Variants in ZNF610 observed in about 807,000 individuals in gnomAD.
The protein encoded by ZNF610 is zinc finger protein 610.
In ZNF610, 14 loss-of-function variants were observed where a neutral mutation model predicts 14.1. The observed-to-expected ratio is 0.99, with a 90% CI of 0.65 to 1.55. ZNF610 has a LOEUF of 1.55. ZNF610 is among the 40% of genes most tolerant of loss of function. The probability of loss-of-function intolerance (pLI) is 0.00; values close to 1 mark genes in which losing one functional copy is unlikely to be tolerated. For missense variants in ZNF610, 530 were observed against 558.0 expected (o/e 0.95, Z 0.51); for synonymous variants, 185 against 187.6 (o/e 0.99, Z 0.11).
intron 5 of ZNF610, among the ~76,000 whole-genome samples, chr19:52,365,338 C>G (rs1381059680): frequency 6.6e-6 from 1 of 151,964 alleles, no homozygotes; most frequent in Non-Finnish European, 1.5e-5. Flanking sequence ...GGGATTGTGT[C>G]TCTCCTAGCT....
the ZNF610 span, among the ~76,000 whole-genome samples, chr19:52,330,653 T>A: frequency 6.6e-6 from 1 of 152,112 alleles, no homozygotes; most frequent in African/African-American, 2.4e-5. Flanking sequence ...AGACAGGGGC[T>A]CAGGTGGAGA....
At position 52,367,322 on chromosome 19, in the gene ZNF610, C is replaced by A; in HGVS notation, c.*555C>A. ...GTATTTTTAGTCGAGACGGGGTTTCCCTCCGTTGGCCAGGCCGGTTTCAAA... is the reference window on the plus strand; with the variant it reads ...GTATTTTTAGTCGAGACGGGGTTTCACTCCGTTGGCCAGGCCGGTTTCAAA... On this transcript the variant is annotated 3_prime_UTR_variant, in exon 6 of 6. Transcript: ENST00000403906. 1 of 152,450 alleles carries A rather than the reference C, an allele frequency of 6.6e-6. No individual in the cohort carries two copies. Among genetic ancestry groups the A allele is most frequent in the Non-Finnish European group, 1.5e-5 (1 of 68,222 alleles). 9.4% of individuals were successfully genotyped at this position (152,450 alleles called of 1,614,324 possible).
At chr19:52,334,948 C>T (rs892896269), upstream of ZNF610, among the ~76,000 whole-genome samples, 3 of 151,058 alleles carry the variant, frequency 2.0e-5, no homozygotes, top group Non-Finnish European at 4.4e-5. Context: ...CACACACACA[C>T]ACACACACAC....
chr19:52,356,514 G>A (rs1361256483), intron 5 of ZNF610, among the ~76,000 whole-genome samples: 3 of 152,060 alleles, frequency 2.0e-5, no homozygotes, highest in African/African-American at 4.8e-5. Flanking sequence ...TGTATCTGTA[G>A]GGCTGTAGTA....
intron 1 of ZNF610, among the ~76,000 whole-genome samples, chr19:52,345,936 C>T (rs1984926225): frequency 6.6e-6 from 1 of 150,442 alleles, no homozygotes; most frequent in East Asian, 2.0e-4. Context: ...GATCTCCTGA[C>T]CTCGTGATCC....
chr19:52,332,363 G>A (rs1302812304), upstream of ZNF610, among the ~76,000 whole-genome samples: 2 of 152,196 alleles, frequency 1.3e-5, no homozygotes, highest in Non-Finnish European at 1.5e-5. This position sits in a 1 kb window ranked among gnomAD's most constrained non-coding sequence, Gnocchi z 4.1. Flanking sequence ...GATAGAGCAG[G>A]AGATGGATTG....
At chr19:52,341,299 A>G (rs969780712) in intron 1 of ZNF610, among the ~76,000 whole-genome samples, 2 of 152,046 alleles carry the variant, frequency 1.3e-5, no homozygotes, top group Non-Finnish European at 2.9e-5. Flanking sequence ...TTATTTTTAA[A>G]AAGTTTTATT....
intron 3 of ZNF610, among the ~76,000 whole-genome samples, chr19:52,352,859 A>G (rs1337667862): frequency 4.0e-5 from 6 of 151,520 alleles, no homozygotes; most frequent in Non-Finnish European, 7.4e-5. Context: ...TTGTTTTCCA[A>G]TTTCATTCTT....
At chr19:52,351,857 T>C (rs764837486) in intron 3 of ZNF610, among the ~76,000 whole-genome samples, 1 of 152,216 alleles carries the variant, frequency 6.6e-6, no homozygotes, top group Non-Finnish European at 1.5e-5. Context: ...AGTTTGTGGT[T>C]TCCTCTGGAT....
At chr19:52,336,848 C>A (rs915162952) in intron 1 of ZNF610, among the ~76,000 whole-genome samples, 3 of 152,192 alleles carry the variant, frequency 2.0e-5, no homozygotes, top group African/African-American at 4.8e-5. Context: ...TGTCTTAGGA[C>A]ATTCAGGATT....
chr19:52,356,595 GGA>G (rs574679302), intron 5 of ZNF610, among the ~76,000 whole-genome samples: 138 of 152,216 alleles, frequency 9.1e-4, no homozygotes, highest in Non-Finnish European at 1.6e-3. Flanking sequence ...TGCCTCAGCA[GGA>G]GAGTCTCTAA....
chr19:52,336,735 G>GC, intron 1 of ZNF610, among the ~76,000 whole-genome samples: 1 of 152,072 alleles, frequency 6.6e-6, no homozygotes, highest in Non-Finnish European at 1.5e-5. Flanking sequence ...TAATAATTCA[G>GC]CCCCACCCTT....
At chr19:52,339,382 G>A (rs1285661698) in intron 1 of ZNF610, among the ~76,000 whole-genome samples, 2 of 150,012 alleles carry the variant, frequency 1.3e-5, no homozygotes, top group Non-Finnish European at 2.9e-5. Context: ...GCTATCACAT[G>A]GGGAGAAACC....
At chr19:52,339,970 T>A (rs926943470) in intron 1 of ZNF610, among the ~76,000 whole-genome samples, 2 of 152,194 alleles carry the variant, frequency 1.3e-5, no homozygotes, top group African/African-American at 4.8e-5. Context: ...GAAACCATGC[T>A]TTTTATCTGC....
chr19:52,342,895 A>T (rs1366474877), intron 1 of ZNF610, among the ~76,000 whole-genome samples: 1 of 152,002 alleles, frequency 6.6e-6, no homozygotes, highest in Non-Finnish European at 1.5e-5. Context: ...GTGTCCCACA[A>T]TTTAGTCCTT....
upstream of ZNF610, chr19:52,336,237 T>G: frequency 4.1e-6 from 1 of 246,590 alleles, no homozygotes; most frequent in Non-Finnish European, 7.8e-6. Context: ...GCGCGCGCAG[T>G]TTTTTGCAGA....
intron 1 of ZNF610, among the ~76,000 whole-genome samples, chr19:52,343,041 G>A (rs533845993): frequency 6.6e-6 from 1 of 151,480 alleles, no homozygotes; most frequent in South Asian, 2.1e-4. Context: ...GTGTCCACTC[G>A]TGTTCTGGAC....
chr19:52,367,113 G>GT lies in ZNF610; in HGVS notation c.*355dup, dbSNP rs34331117. 155,986 of 185,962 alleles carry GT rather than the reference G, an allele frequency of 0.84. 65,654 individuals are homozygous for GT. Among genetic ancestry groups the GT allele is most frequent in the African/African-American group, 0.89 (37,812 of 42,400 alleles). The allele number at this position is 185,962 out of a possible 1,614,324, so 11.5% of individuals were successfully genotyped here. ...CATGTTTTAAGTAATAAAGTTTAAA[G>GT]TTTTTTTTTAGTTTTTTCTTTTTTT... On this transcript the variant is annotated 3_prime_UTR_variant, in exon 6 of 6. Transcript: ENST00000403906.
chr19:52,340,783 C>G (rs563054922), intron 1 of ZNF610, among the ~76,000 whole-genome samples: 1 of 152,168 alleles, frequency 6.6e-6, no homozygotes, highest in Admixed American at 6.5e-5. Context: ...CGGGTTCAAG[C>G]GATTCTCCTG....
Sources: gnomAD v4.1 joint callset for allele counts (sites outside exome capture counted in the v4.1 genomes callset) on GRCh38, gnomAD v4.1.1 for gene constraint, Gnocchi (gnomAD v3.1) non-coding constraint, MANE v1.5 for transcripts, NCBI Gene and HGNC (gene_info 2026-07-23, HGNC 2026-07-21) for gene names.